OSBPL5: variants seen among roughly 807,000 people sequenced by gnomAD.
OSBPL5 encodes the protein oxysterol-binding protein-related protein 5.
OSBPL5 carries 71 observed loss-of-function variants against 111.2 expected under a neutral mutation model. The observed-to-expected ratio is 0.64, with a 90% CI of 0.53 to 0.78. The LOEUF is 0.78. Among genes scored for constraint, OSBPL5 ranks in the 30% least tolerant of loss-of-function variants. The pLI, the probability that OSBPL5 is intolerant of heterozygous loss-of-function variation, is 0.00. For missense variants in OSBPL5, 1,210 were observed against 1,189.3 expected (o/e 1.02, Z -0.26); for synonymous variants, 549 against 513.9 (o/e 1.07, Z -0.93).
At position 3,109,335 on chromosome 11, in the gene OSBPL5, C is replaced by T. The variant is rs761415543; in HGVS notation, c.692-1390G>A. Among the ~76,000 whole-genome samples the T allele has an allele frequency of 2.0e-5, 3 of 152,104 alleles. No homozygotes were observed. The highest frequency in any genetic ancestry group is 2.9e-5 in the Non-Finnish European group (2 of 68,026). On this transcript the variant is annotated intron_variant, in intron 7 of 21. Transcript: ENST00000263650. The surrounding 1 kb of genome is among the most constrained non-coding windows in gnomAD (Gnocchi z 7.4). Reference sequence around the variant, plus strand: ...CCTCAAGTGATCTGCGTCGGCCTCCCAAAGTGCTGGGATTACAGGTGTGAG... The same window carrying T: ...CCTCAAGTGATCTGCGTCGGCCTCCTAAAGTGCTGGGATTACAGGTGTGAG...
chr11:3,135,473 C>G (rs1355099976), intron 1 of OSBPL5, among the ~76,000 whole-genome samples: 1 of 151,160 alleles, frequency 6.6e-6, no homozygotes, highest in Non-Finnish European at 1.5e-5. Context: ...TGAGGCCCTC[C>G]TCTGGGCAAG....
In OSBPL5 at chr11:3,105,103, G is replaced by A. The variant is rs909395045; in HGVS notation, c.1060-726C>T. Among the ~76,000 whole-genome samples the A allele has an allele frequency of 1.3e-5, 2 of 152,062 alleles. No individual in the cohort carries two copies. Among genetic ancestry groups the A allele is most frequent in the Non-Finnish European group, 2.9e-5 (2 of 68,000 alleles). On this transcript the variant is annotated intron_variant, in intron 9 of 21. Coordinates refer to ENST00000263650, the MANE Select transcript of OSBPL5 (RefSeq NM_020896.4). The surrounding 1 kb of genome is among the most constrained non-coding windows in gnomAD (Gnocchi z 5.2). ...ACTCACTCCAGACTTGCACCTCACC[G>A]CAGCCCCAGGGAACGGGGACCCTGG...
In OSBPL5 at chr11:3,106,855, T is replaced by A. The variant is rs982928769; in HGVS notation, c.1059+408A>T. On this transcript the variant is annotated intron_variant, in intron 9 of 21. Transcript: ENST00000263650. This position sits in a 1 kb window ranked among gnomAD's most constrained non-coding sequence, Gnocchi z 8.4. ...CAGGGCCCCAGGAGAGCACCAGGTG[T>A]GCAGGTGCCTGTGAGCATGGGACTC... 2.6e-5 allele frequency among the ~76,000 whole-genome samples: 4 copies of A among 152,144 alleles called. No individual in the cohort carries two copies. The highest frequency in any genetic ancestry group is 5.9e-5 in the Non-Finnish European group (4 of 68,020).
intron 17 of OSBPL5, 197 bp from the exon 18 acceptor site, chr11:3,093,249 C>A: frequency 1.4e-6 from 1 of 739,164 alleles, no homozygotes; most frequent in Non-Finnish European, 2.1e-6. Flanking sequence ...ACTGAGCTCC[C>A]ATCTCCCGCC....
chr11:3,128,943 G>T, intron 2 of OSBPL5, 70 bp downstream of exon 2: 1 of 1,359,462 alleles, frequency 7.4e-7, no homozygotes, highest in Non-Finnish European at 9.6e-7. Context: ...CAGAGGGGTT[G>T]GGCCGCCCGG....
chr11:3,103,803 GC>G lies in OSBPL5; in HGVS notation c.1244+389del, dbSNP rs1278640682. Among the ~76,000 whole-genome samples, 362 of 42,786 alleles carry G rather than the reference GC, an allele frequency of 8.5e-3. 10 individuals are homozygous for G. Among genetic ancestry groups the G allele is most frequent in the African/African-American group, 0.021 (349 of 16,758 alleles). 28.1% of individuals were successfully genotyped at this position (42,786 alleles called of 152,430 possible). A position where few individuals can be genotyped will look rare whatever the true frequency, so the allele number is the denominator to read the frequency against. On this transcript the variant is annotated intron_variant, in intron 10 of 21. Coordinates refer to ENST00000263650, the MANE Select transcript of OSBPL5 (RefSeq NM_020896.4). ...TCTGCAGTCCCTTCCTGCCTCTGCAGCCCTCTTCCTGCCTGCGCAGCCCCCT... is the reference window on the plus strand; with the variant it reads ...TCTGCAGTCCCTTCCTGCCTCTGCAGCCTCTTCCTGCCTGCGCAGCCCCCT...
At chr11:3,102,986 T>C (rs1159875351) in intron 11 of OSBPL5, among the ~76,000 whole-genome samples, 2 of 151,952 alleles carry the variant, frequency 1.3e-5, no homozygotes, top group Non-Finnish European at 2.9e-5. Context: ...GGGGAAGGGG[T>C]CCAGCTTGGG....
chr11:3,138,226 C>T (rs1384808734), intron 1 of OSBPL5, among the ~76,000 whole-genome samples: 3 of 152,228 alleles, frequency 2.0e-5, no homozygotes, highest in Non-Finnish European at 4.4e-5. Context: ...CCCGACCCCA[C>T]ACCCCTGTAG....
rs1856949345 is a variant in OSBPL5 at position 3,088,455 on chromosome 11, G to A, written c.2502-112C>T. On this transcript the variant is annotated intron_variant, in intron 21 of 21. Coordinates refer to ENST00000263650, the MANE Select transcript of OSBPL5 (RefSeq NM_020896.4). ...GACCAGGTGCTGGACACAGGGCCGA[G>A]GTGGAGATGGGATGGCCCTCCAGGG... The A allele has an allele frequency of 4.1e-5, 50 of 1,228,368 alleles. No individual in the cohort carries two copies. In the South Asian group the frequency reaches 1.1e-3, roughly 27 times the overall value. The allele number at this position is 1,228,368 out of a possible 1,614,324, so 76.1% of individuals were successfully genotyped here. A position where few individuals can be genotyped will look rare whatever the true frequency, so the allele number is the denominator to read the frequency against.
chr11:3,110,247 G>A lies in OSBPL5; in HGVS notation c.692-2302C>T, dbSNP rs146404275. Among the ~76,000 whole-genome samples, 80 of 152,344 alleles carry A rather than the reference G, an allele frequency of 5.3e-4. No individual in the cohort carries two copies. The East Asian group carries it at 0.014, about 27-fold the overall frequency. ...AGCCCTTCACCCCACTGCTCTGGGA[G>A]GCATCACCCTGGGGTTAGAGGAGGT... On this transcript the variant is annotated intron_variant, in intron 7 of 21. Transcript: ENST00000263650. This position sits in a 1 kb window ranked among gnomAD's most constrained non-coding sequence, Gnocchi z 5.3.
intron 14 of OSBPL5, among the ~76,000 whole-genome samples, chr11:3,097,021 G>GAGGAGAGGAAAGGGAGCAGAT: frequency 9.6e-5 from 1 of 10,382 alleles, no homozygotes; most frequent in Non-Finnish European, 2.0e-4. Flanking sequence ...AAGACGGGAG[G>GAGGAGAGGAAAGGGAGCAGAT]GGGAGGAGAG....
Position 3,092,406 on chromosome 11 carries a change from C to A in OSBPL5, c.2259+26G>T. On this transcript the variant is annotated intron_variant, in intron 19 of 21. Transcript: ENST00000263650. This position sits in a 1 kb window ranked among gnomAD's most constrained non-coding sequence, Gnocchi z 5.4. ...GCCACACGTGCAGCTAAGACCAGCC[C>A]TGGGTGGGGCCTGTGGGGTGCTGAC... The A allele has an allele frequency of 6.4e-7, 1 of 1,558,724 alleles. No homozygotes were observed. The highest frequency in any genetic ancestry group is 1.4e-5 in the African/African-American group (1 of 73,334).
In OSBPL5 at chr11:3,103,703, CG is replaced by C. The variant is rs1564829450; in HGVS notation, c.1245-384del. Among the ~76,000 whole-genome samples, 11 of 117,928 alleles carry C rather than the reference CG, an allele frequency of 9.3e-5. 1 individual carries two copies. Among genetic ancestry groups the C allele is most frequent in the Non-Finnish European group, 1.2e-4 (7 of 57,582 alleles). The allele number at this position is 117,928 out of a possible 152,430, so 77.4% of individuals were successfully genotyped here. ...GTCTCTGCAGCCCCCTTCCAGCCTG[CG>C]TACCCCCTTCCAGGCTCTGCTGCCC... On this transcript the variant is annotated intron_variant, in intron 10 of 21. Coordinates refer to ENST00000263650, the MANE Select transcript of OSBPL5 (RefSeq NM_020896.4).
At chr11:3,156,670 C>A (rs550079488) in intron 1 of OSBPL5, among the ~76,000 whole-genome samples, 5 of 152,320 alleles carry the variant, frequency 3.3e-5, no homozygotes, top group African/African-American at 1.2e-4. Context: ...CTGCATGGTT[C>A]CCGTGTTTAG....
At chr11:3,129,267 C>T in intron 1 of OSBPL5, 98 bp from the exon 2 acceptor site, 1 of 1,148,322 alleles carries the variant, frequency 8.7e-7, no homozygotes, top group Non-Finnish European at 1.1e-6. Flanking sequence ...GTCCCCCTCT[C>T]AGGGGACTTC....
intron 1 of OSBPL5, among the ~76,000 whole-genome samples, chr11:3,151,573 T>G (rs1398756115): frequency 6.6e-6 from 1 of 152,176 alleles, no homozygotes; most frequent in East Asian, 1.9e-4. Context: ...CTTTTTCCCA[T>G]GAAAAGCCAA....
rs1188479888 is a variant in OSBPL5, at chr11:3,099,985, T to C, written c.1621+173A>G. On this transcript the variant is annotated intron_variant, in intron 14 of 21. Coordinates refer to ENST00000263650, the MANE Select transcript of OSBPL5 (RefSeq NM_020896.4). ...TGGAGCCAAGATCACGCCATTGCACTCCAGCCTGGGCAACAAGAGCGAAAC... is the reference window on the plus strand; with the variant it reads ...TGGAGCCAAGATCACGCCATTGCACCCCAGCCTGGGCAACAAGAGCGAAAC... Among the ~76,000 whole-genome samples, 4 of 126,138 alleles carry C rather than the reference T, an allele frequency of 3.2e-5. No homozygotes were observed. In the South Asian group the frequency reaches 1.0e-3, roughly 32 times the overall value. The allele number at this position is 126,138 out of a possible 152,430, so 82.8% of individuals were successfully genotyped here.
intron 1 of OSBPL5, among the ~76,000 whole-genome samples, chr11:3,129,845 C>T (rs544655923): frequency 2.6e-4 from 39 of 152,254 alleles, no homozygotes; most frequent in Non-Finnish European, 4.1e-4. Flanking sequence ...GTTGCATTCC[C>T]AGTGGGAGCT....
chr11:3,134,646 T>C (rs1286996980), intron 1 of OSBPL5, among the ~76,000 whole-genome samples: 1 of 152,226 alleles, frequency 6.6e-6, no homozygotes, highest in Non-Finnish European at 1.5e-5. Context: ...GGGAACACTT[T>C]GGACTTGGGT....
Sources: gnomAD v4.1 joint callset for allele counts (sites outside exome capture counted in the v4.1 genomes callset) on GRCh38, gnomAD v4.1.1 for gene constraint, Gnocchi (gnomAD v3.1) non-coding constraint, MANE v1.5 for transcripts, NCBI Gene and HGNC (gene_info 2026-07-23, HGNC 2026-07-21) for gene names.